HS6ST3: variants seen among roughly 807,000 people sequenced by gnomAD.
HS6ST3 encodes the protein heparan-sulfate 6-O-sulfotransferase 3.
A neutral mutation model predicts 36.7 loss-of-function variants in HS6ST3; 12 were observed. The observed-to-expected ratio is 0.33, with a 90% CI of 0.21 to 0.53. HS6ST3 has a LOEUF of 0.53. Ranked by LOEUF, HS6ST3 falls within the 20% of genes least tolerant of loss-of-function variation. The probability of loss-of-function intolerance (pLI) is 0.95; values close to 1 mark genes in which losing one functional copy is unlikely to be tolerated. For synonymous variants in HS6ST3, 240 were observed against 257.5 expected (o/e 0.93, Z 0.65); for missense variants, 584 against 640.9 (o/e 0.91, Z 0.96).
intron 1 of HS6ST3, among the ~76,000 whole-genome samples, chr13:96,415,644 T>A: frequency 6.6e-6 from 1 of 152,050 alleles, no homozygotes; most frequent in East Asian, 1.9e-4. Flanking sequence ...TAGAAAATAA[T>A]GGCTGATGTT....
chr13:96,412,399 C>G (rs2055512571), intron 1 of HS6ST3, among the ~76,000 whole-genome samples: 1 of 151,984 alleles, frequency 6.6e-6, no homozygotes, highest in Non-Finnish European at 1.5e-5. Context: ...GATTCTAAGT[C>G]AAGGGTGGGA....
At chr13:96,765,694 G>A (rs559232513) in intron 1 of HS6ST3, among the ~76,000 whole-genome samples, 2 of 150,704 alleles carry the variant, frequency 1.3e-5, no homozygotes, top group South Asian at 4.2e-4. Flanking sequence ...TTGTATGTTG[G>A]AACCAAGTGC....
intron 1 of HS6ST3, among the ~76,000 whole-genome samples, chr13:96,459,916 G>C (rs757279358): frequency 5.3e-5 from 8 of 152,194 alleles, no homozygotes; most frequent in Non-Finnish European, 8.8e-5. Flanking sequence ...TTGTAGGAGT[G>C]ATGTAAAATT....
intron 1 of HS6ST3, among the ~76,000 whole-genome samples, chr13:96,567,162 T>C (rs1053317648): frequency 1.3e-5 from 2 of 152,106 alleles, no homozygotes; most frequent in Non-Finnish European, 2.9e-5. Flanking sequence ...TTTTTTCTTC[T>C]CTTTTTTCTT....
At chr13:96,727,989 C>T (rs1014213489) in intron 1 of HS6ST3, among the ~76,000 whole-genome samples, 6 of 152,138 alleles carry the variant, frequency 3.9e-5, no homozygotes, top group African/African-American at 1.4e-4. Context: ...CCTTTTAGTC[C>T]TCATCGTAGC....
At chr13:96,204,638 A>G (rs997002732) in intron 1 of HS6ST3, among the ~76,000 whole-genome samples, 11 of 152,324 alleles carry the variant, frequency 7.2e-5, no homozygotes, top group Non-Finnish European at 8.8e-5. Context: ...TGAAATTACA[A>G]CAGTCTCTCA....
rs187265040 is a variant in HS6ST3 at position 96,576,668 on chromosome 13, T to G, written c.708-255822T>G. On this transcript the variant is annotated intron_variant, in intron 1 of 1. Transcript: ENST00000376705. Reference sequence around the variant, plus strand: ...TTCTTGTAGAAATGTTGGGCCAGGTTCAGTGGCTCATGCCTGTAATCCCAG... The same window carrying G: ...TTCTTGTAGAAATGTTGGGCCAGGTGCAGTGGCTCATGCCTGTAATCCCAG... 2.6e-3 allele frequency among the ~76,000 whole-genome samples: 398 copies of G among 152,202 alleles called. 1 individual carries two copies. The highest frequency in any genetic ancestry group is 9.1e-3 in the African/African-American group (378 of 41,540).
chr13:96,151,878 C>G (rs602540), intron 1 of HS6ST3, among the ~76,000 whole-genome samples: 122,805 of 152,170 alleles, frequency 0.81, 50,111 homozygotes, highest in East Asian at 0.91. Context: ...TCCTGCATGT[C>G]TCTCTCTTCT....
At chr13:96,480,323 A>G (rs2055884455) in intron 1 of HS6ST3, among the ~76,000 whole-genome samples, 1 of 152,166 alleles carries the variant, frequency 6.6e-6, no homozygotes, top group African/African-American at 2.4e-5. Context: ...CATGTTGGCC[A>G]GGCTGGTCTT....
rs576546510 is a variant in HS6ST3, at chr13:96,372,107, T to G, written c.707+280538T>G. ...TCATTTTATATTCCTACCAACAATATATAAGGGTTACCTTTTCTCCACATT... is the reference window on the plus strand; with the variant it reads ...TCATTTTATATTCCTACCAACAATAGATAAGGGTTACCTTTTCTCCACATT... On this transcript the variant is annotated intron_variant, in intron 1 of 1. Transcript: ENST00000376705. Among the ~76,000 whole-genome samples, 7 of 152,324 alleles carry G rather than the reference T, an allele frequency of 4.6e-5. No homozygotes were observed. In the East Asian group the frequency reaches 1.2e-3, roughly 25 times the overall value.
At chr13:96,748,250 TCCTGTGCCCTCCC>T (rs1876610331) in intron 1 of HS6ST3, among the ~76,000 whole-genome samples, 2 of 151,972 alleles carry the variant, frequency 1.3e-5, no homozygotes. Flanking sequence ...TCTGCTTGGA[TCCTGTGCCCTCCC>T]CTGGACCAAT....
intron 1 of HS6ST3, among the ~76,000 whole-genome samples, chr13:96,345,381 T>A (rs115180513): frequency 0.011 from 1,745 of 152,304 alleles, 36 homozygotes; most frequent in African/African-American, 0.04. Context: ...AGTGACTGGA[T>A]TAATTTTTAG....
At chr13:96,337,577 T>C (rs1332457089) in intron 1 of HS6ST3, among the ~76,000 whole-genome samples, 2 of 152,124 alleles carry the variant, frequency 1.3e-5, no homozygotes, top group Non-Finnish European at 2.9e-5. Context: ...ACCTGCACCT[T>C]CTCTACTTGG....
chr13:96,645,905 C>T (rs943872514), intron 1 of HS6ST3, among the ~76,000 whole-genome samples: 9 of 151,752 alleles, frequency 5.9e-5, no homozygotes, highest in African/African-American at 2.2e-4. Context: ...GTTCTGTTTA[C>T]CCAGTGGTCT....
chr13:96,524,813 A>G (rs1403764542), intron 1 of HS6ST3, among the ~76,000 whole-genome samples: 1 of 152,210 alleles, frequency 6.6e-6, no homozygotes, highest in African/African-American at 2.4e-5. Context: ...TGTGCTTCCC[A>G]GATGAGGCAA....
chr13:96,497,284 G>A (rs1455949286), intron 1 of HS6ST3, among the ~76,000 whole-genome samples: 1 of 152,094 alleles, frequency 6.6e-6, no homozygotes, highest in East Asian at 1.9e-4. Context: ...TACCTGCATT[G>A]GTGAATTCTG....
At chr13:96,459,095 C>T (rs1452983858) in intron 1 of HS6ST3, among the ~76,000 whole-genome samples, 3 of 43,972 alleles carry the variant, frequency 6.8e-5, no homozygotes, top group Non-Finnish European at 1.4e-4. Context: ...CAGAGCAAGA[C>T]TGTCTAAAAA....
At chr13:96,116,041 G>A (rs1566885736) in intron 1 of HS6ST3, among the ~76,000 whole-genome samples, 1 of 152,156 alleles carries the variant, frequency 6.6e-6, no homozygotes, top group African/African-American at 2.4e-5. Context: ...CCGCATAAAT[G>A]TCTTCTTTTA....
chr13:96,380,661 A>G (rs889209928), intron 1 of HS6ST3, among the ~76,000 whole-genome samples: 14 of 152,232 alleles, frequency 9.2e-5, no homozygotes, highest in Non-Finnish European at 1.9e-4. Flanking sequence ...TTCCAAACAT[A>G]TATCAAAATA....
Sources: allele counts gnomAD v4.1 joint callset (sites outside exome capture counted in the v4.1 genomes callset), GRCh38; gene constraint gnomAD v4.1.1; transcripts MANE v1.5; gene names NCBI Gene and HGNC (gene_info 2026-07-23, HGNC 2026-07-21).